KCNJ16: variants seen among roughly 807,000 people sequenced by gnomAD.
KCNJ16 encodes the protein inward rectifier potassium channel 16.
In KCNJ16, 15 loss-of-function variants were observed where a neutral mutation model predicts 18.5. The observed-to-expected ratio is 0.81, with a 90% CI of 0.54 to 1.25. The LOEUF (loss-of-function observed/expected upper bound fraction) is 1.25, where lower values mean the gene tolerates loss of function less well. Among genes scored for constraint, KCNJ16 ranks in the 50% most tolerant of loss-of-function variants. The pLI is 0.00. For missense variants in KCNJ16, 523 were observed against 525.7 expected, an observed-to-expected ratio of 0.99 and a Z score of 0.05; for synonymous variants, 174 against 186.5, an observed-to-expected ratio of 0.93 and a Z score of 0.55.
intron 1 of KCNJ16, among the ~76,000 whole-genome samples, chr17:70,083,262 T>G (rs2071632647): frequency 1.3e-5 from 2 of 148,842 alleles, no homozygotes; most frequent in Admixed American, 1.4e-4. Context: ...TGAGGAGAAG[T>G]CCAAAACTGT....
chr17:70,118,819 G>A (rs1055822416), intron 2 of KCNJ16, among the ~76,000 whole-genome samples: 1 of 151,986 alleles, frequency 6.6e-6, no homozygotes, highest in African/African-American at 2.4e-5. Flanking sequence ...ATTCTGCCCT[G>A]GACCACCCCA....
intron 1 of KCNJ16, among the ~76,000 whole-genome samples, chr17:70,080,669 ATTAG>A (rs1418845992): frequency 1.3e-5 from 2 of 152,078 alleles, no homozygotes; most frequent in Admixed American, 6.6e-5. Flanking sequence ...TTACTACTTG[ATTAG>A]TTAGTTGGCT....
At chr17:70,126,685 ATTT>A (rs1173511105) in intron 2 of KCNJ16, among the ~76,000 whole-genome samples, 2 of 152,176 alleles carry the variant, frequency 1.3e-5, no homozygotes, top group Admixed American at 1.3e-4. Context: ...AAACCATTTT[ATTT>A]TAGACTATTT....
Position 70,090,775 on chromosome 17 carries a change from C to G in KCNJ16, c.-299-9883C>G, listed in dbSNP as rs985886965. The stretch of plus-strand genomic sequence containing the variant: ...AATACCGCTAACCCACTCACAATAC[C>G]GCTAACCCACTCACAATACCGCTAA... On this transcript the variant is annotated intron_variant, in intron 1 of 3. Transcript: ENST00000392671. Among the ~76,000 whole-genome samples the G allele has an allele frequency of 4.0e-5, 6 of 151,846 alleles. No homozygotes were observed. In the East Asian group the frequency reaches 5.8e-4, roughly 15 times the overall value.
At chr17:70,076,757 A>C (rs1357819998) in intron 1 of KCNJ16, among the ~76,000 whole-genome samples, 3 of 152,200 alleles carry the variant, frequency 2.0e-5, no homozygotes, top group Non-Finnish European at 2.9e-5. Context: ...ACCTGGATAT[A>C]AATTAATTGA....
At chr17:70,110,741 G>A (rs1237423459) in intron 2 of KCNJ16, among the ~76,000 whole-genome samples, 1 of 152,076 alleles carries the variant, frequency 6.6e-6, no homozygotes, top group East Asian at 1.9e-4. Flanking sequence ...AAGACAACAA[G>A]CCTTCCCTCC....
chr17:70,085,729 C>T (rs572658812), intron 1 of KCNJ16, among the ~76,000 whole-genome samples: 52 of 152,144 alleles, frequency 3.4e-4, no homozygotes, highest in African/African-American at 1.1e-3. Context: ...ATACATCAAC[C>T]GCTAGCTTAT....
chr17:70,077,858 C>T lies in KCNJ16; in HGVS notation c.-300+2468C>T, dbSNP rs188057340. Among the ~76,000 whole-genome samples the T allele has an allele frequency of 4.5e-4, 68 of 150,784 alleles. 1 individual carries two copies. In the East Asian group the frequency reaches 0.012, roughly 26 times the overall value. ...TGGTTAAATTTTTCAGGCCCAAGGG[C>T]CCAGATTCAGAAAAAAAAAAAAGAT... On this transcript the variant is annotated intron_variant, in intron 1 of 3. Coordinates refer to ENST00000392671, the MANE Select transcript of KCNJ16 (RefSeq NM_170741.4).
intron 2 of KCNJ16, among the ~76,000 whole-genome samples, chr17:70,110,850 C>T (rs2073156264): frequency 1.3e-5 from 2 of 152,156 alleles, no homozygotes; most frequent in South Asian, 2.1e-4. Context: ...CCTCCCATGT[C>T]TCAGCTTCCT....
At chr17:70,079,133 C>T (rs984089524) in intron 1 of KCNJ16, among the ~76,000 whole-genome samples, 16 of 152,230 alleles carry the variant, frequency 1.1e-4, no homozygotes, top group South Asian at 4.1e-4. Flanking sequence ...ATTATGGTGG[C>T]TGGCAAGTAT....
At chr17:70,131,075 T>C (rs2074037995) in intron 3 of KCNJ16, 100 bp downstream of exon 3, 1 of 1,224,980 alleles carries the variant, frequency 8.2e-7, no homozygotes, top group Non-Finnish European at 1.2e-6. Flanking sequence ...AGGAAAACAC[T>C]GAAAAGCCGG....
At chr17:70,075,967 CT>C (rs61550133) in intron 1 of KCNJ16, among the ~76,000 whole-genome samples, 78 of 149,712 alleles carry the variant, frequency 5.2e-4, no homozygotes, top group Middle Eastern at 3.4e-3. Flanking sequence ...CCCTCTAAAG[CT>C]TTTTTTTTTT....
intron 1 of KCNJ16, among the ~76,000 whole-genome samples, chr17:70,083,664 A>C (rs1301350996): frequency 6.6e-6 from 1 of 152,168 alleles, no homozygotes; most frequent in Admixed American, 6.6e-5. Context: ...CTATGATGTT[A>C]AAACAACATC....
chr17:70,085,215 A>C (rs1320977689), intron 1 of KCNJ16, among the ~76,000 whole-genome samples: 2 of 152,250 alleles, frequency 1.3e-5, no homozygotes, highest in African/African-American at 4.8e-5. Context: ...TTCACCTGCC[A>C]ATAACAAAGG....
At chr17:70,109,726 T>C (rs1405742839) in intron 2 of KCNJ16, among the ~76,000 whole-genome samples, 1 of 152,198 alleles carries the variant, frequency 6.6e-6, no homozygotes, top group African/African-American at 2.4e-5. Context: ...TCCTAAACTC[T>C]TGGCTTTCGA....
intron 1 of KCNJ16, among the ~76,000 whole-genome samples, chr17:70,093,311 T>C (rs9892289): frequency 0.85 from 129,123 of 152,182 alleles, 54,849 homozygotes; most frequent in East Asian, 0.96. Context: ...CCTTGCTCCT[T>C]CTGAAGCCTC....
chr17:70,132,307 T>G lies in KCNJ16; in HGVS notation c.220T>G (p.Phe74Val). 6.2e-7 allele frequency: 1 copy of G among 1,614,200 alleles called. No homozygotes were observed. Among genetic ancestry groups the G allele is most frequent in the African/African-American group, 1.3e-5 (1 of 75,052 alleles). ...TLVDTKWRHM[F>V]VIFSLSYILS... Reference sequence around the variant, plus strand: ...TGTGGACACCAAGTGGCGCCATATGTTTGTGATATTTTCTTTATCTTATAT... The same window carrying G: ...TGTGGACACCAAGTGGCGCCATATGGTTGTGATATTTTCTTTATCTTATAT... Residue 74 changes from phenylalanine (F) to valine (V), a missense_variant, in exon 4 of 4, where the codon TTT (phenylalanine) becomes GTT (valine). Physicochemically the swap from Phe to Val is conservative, Grantham distance 50. Transcript: ENST00000392671.
At chr17:70,109,111 C>T (rs1248597357) in intron 2 of KCNJ16, among the ~76,000 whole-genome samples, 2 of 152,088 alleles carry the variant, frequency 1.3e-5, no homozygotes, top group Admixed American at 6.6e-5. Context: ...AAATAGCCAC[C>T]ATCACTCTGA....
rs781083100 is a variant in KCNJ16 at position 70,133,357 on chromosome 17, A to G, written c.*13A>G. ...ATCCCAAATGTAGTCCTAAATTGCA[A>G]TTATGAGGGCTACCACTGAATCATT... On this transcript the variant is annotated 3_prime_UTR_variant, in exon 4 of 4. Transcript: ENST00000392671. The G allele has an allele frequency of 3.8e-6, 6 of 1,596,024 alleles. No homozygotes were observed. The highest frequency in any genetic ancestry group is 2.7e-5 in the African/African-American group (2 of 74,284).
Sources: gnomAD v4.1 joint callset for allele counts (sites outside exome capture counted in the v4.1 genomes callset) on GRCh38, gnomAD v4.1.1 for gene constraint, MANE v1.5 for transcripts, NCBI Gene and HGNC (gene_info 2026-07-23, HGNC 2026-07-21) for gene names.